The following CNTNAP2 variants were observed in gnomAD, a reference collection of about 807,000 sequenced individuals.
CNTNAP2 encodes the protein contactin-associated protein-like 2.
CNTNAP2 carries 98 observed loss-of-function variants against 155.2 expected under a neutral mutation model. The observed-to-expected ratio is 0.63, with a 90% CI of 0.54 to 0.75. The LOEUF (loss-of-function observed/expected upper bound fraction) is 0.75. Among genes scored for constraint, CNTNAP2 ranks in the 30% least tolerant of loss-of-function variants. The probability of loss-of-function intolerance (pLI) is 0.00; values close to 1 mark genes in which losing one functional copy is unlikely to be tolerated. For missense variants in CNTNAP2, 1,727 were observed against 1,688.1 expected (o/e 1.02, Z -0.40); for synonymous variants, 651 against 631.2 (o/e 1.03, Z -0.47).
chr7:146,839,736 C>G lies in CNTNAP2; in HGVS notation c.234C>G (p.Asp78Glu). The change falls in exon 3 of 24, where the codon GAC becomes GAG. Residue 78 changes from aspartate (D) to glutamate (E), a missense_variant. Physicochemically the swap from Asp to Glu is conservative, Grantham distance 45 (BLOSUM62 2). Coordinates refer to ENST00000361727, the MANE Select transcript of CNTNAP2 (RefSeq NM_014141.6). ...RGGAGGWSPSDSDHYQWLQVD... is the reference protein window; with the variant it reads ...RGGAGGWSPSESDHYQWLQVD... The stretch of plus-strand genomic sequence containing the variant: ...GTGCTGGGGGATGGTCTCCATCAGA[C>G]AGCGACCATTATCAATGGCTTCAGG... 6.2e-7 allele frequency: 1 copy of G among 1,614,214 alleles called. No individual in the cohort carries two copies. Among genetic ancestry groups the G allele is most frequent in the Middle Eastern group, 1.7e-4 (1 of 6,060 alleles).
At chr7:146,400,527 G>GA (rs1795699533) in intron 1 of CNTNAP2, among the ~76,000 whole-genome samples, 1 of 152,204 alleles carries the variant, frequency 6.6e-6, no homozygotes, top group Non-Finnish European at 1.5e-5. Context: ...GAAAGTTAGT[G>GA]AGAGAAGGAA....
At chr7:147,956,899 G>A (rs1801024006) in intron 14 of CNTNAP2, among the ~76,000 whole-genome samples, 1 of 152,182 alleles carries the variant, frequency 6.6e-6, no homozygotes, top group Admixed American at 6.5e-5. Context: ...ACTAAAGAAA[G>A]TGATAGGGTT....
chr7:146,850,190 C>T (rs1562972448), intron 3 of CNTNAP2, among the ~76,000 whole-genome samples: 1 of 152,158 alleles, frequency 6.6e-6, no homozygotes, highest in African/African-American at 2.4e-5. Context: ...TATGCCTTTT[C>T]AGAAGTCTAG....
At chr7:147,300,365 G>A (rs1437253171) in intron 9 of CNTNAP2, 75 bp downstream of exon 9, 6 of 1,545,592 alleles carry the variant, frequency 3.9e-6, no homozygotes, top group African/African-American at 1.4e-5. Flanking sequence ...TGATTATGAA[G>A]TATTTATATT....
chr7:148,008,309 T>A (rs1585074882), intron 15 of CNTNAP2, among the ~76,000 whole-genome samples: 1 of 151,534 alleles, frequency 6.6e-6, no homozygotes, highest in Non-Finnish European at 1.5e-5. Context: ...GAGGCAGAGG[T>A]TGCAGTGAGT....
chr7:147,023,447 C>T (rs1408660760), intron 3 of CNTNAP2, among the ~76,000 whole-genome samples: 1 of 152,072 alleles, frequency 6.6e-6, no homozygotes, highest in African/African-American at 2.4e-5. Flanking sequence ...CCTTTTTATC[C>T]AGTCTCCTCC....
At chr7:148,286,160 T>C (rs117997996) in intron 21 of CNTNAP2, among the ~76,000 whole-genome samples, 207 of 152,276 alleles carry the variant, frequency 1.4e-3, no homozygotes, top group Middle Eastern at 0.01. Flanking sequence ...TGTCTCAGGG[T>C]TGGCAGAGGC....
Position 148,365,974 on chromosome 7 carries a change from A to G in CNTNAP2, c.3476-17675A>G, listed in dbSNP as rs1258160822. Among the ~76,000 whole-genome samples, 6 of 2,530 alleles carry G rather than the reference A, an allele frequency of 2.4e-3. 3 individuals are homozygous for G. The highest frequency in any genetic ancestry group is 3.1e-3 in the African/African-American group (6 of 1,954). 1.7% of individuals were successfully genotyped at this position (2,530 alleles called of 152,430 possible). ...CGTGTATGCATGTATACATGTGTGT[A>G]TGCATGTATACATGTGTGTATGCAT... is the stretch of plus-strand genomic sequence containing the variant. On this transcript the variant is annotated intron_variant, in intron 21 of 23. Coordinates refer to ENST00000361727, the MANE Select transcript of CNTNAP2 (RefSeq NM_014141.6).
chr7:146,883,398 G>T (rs185425228), intron 3 of CNTNAP2, among the ~76,000 whole-genome samples: 1 of 151,854 alleles, frequency 6.6e-6, no homozygotes. Context: ...CAAAAAATAC[G>T]TTTTTTTCTA....
chr7:146,178,194 C>A (rs1020612517), intron 1 of CNTNAP2, among the ~76,000 whole-genome samples: 1 of 151,910 alleles, frequency 6.6e-6, no homozygotes, highest in Non-Finnish European at 1.5e-5. Flanking sequence ...CCACCATGCC[C>A]GGCTAATTTT....
At chr7:147,644,493 G>A (rs1018401187) in intron 13 of CNTNAP2, among the ~76,000 whole-genome samples, 1 of 152,110 alleles carries the variant, frequency 6.6e-6, no homozygotes, top group African/African-American at 2.4e-5. Context: ...GTGGTGGCAT[G>A]CACCTGTAAT....
At chr7:146,958,710 GC>G (rs1159987110) in intron 3 of CNTNAP2, among the ~76,000 whole-genome samples, 1 of 151,804 alleles carries the variant, frequency 6.6e-6, no homozygotes, top group East Asian at 1.9e-4. Context: ...ACCACGGCCG[GC>G]CCATTTTTAT....
At chr7:148,381,808 A>G (rs1187811123) in intron 21 of CNTNAP2, among the ~76,000 whole-genome samples, 3 of 152,182 alleles carry the variant, frequency 2.0e-5, no homozygotes, top group Non-Finnish European at 4.4e-5. Flanking sequence ...TTATTATCAC[A>G]TGGCCCTGAG....
At chr7:146,272,930 C>T (rs1584840742) in intron 1 of CNTNAP2, among the ~76,000 whole-genome samples, 2 of 151,702 alleles carry the variant, frequency 1.3e-5, no homozygotes, top group East Asian at 3.9e-4. Flanking sequence ...ATAGATGAGA[C>T]CAAAGGAGAA....
chr7:147,124,967 G>A (rs1017039971), intron 6 of CNTNAP2, among the ~76,000 whole-genome samples: 2 of 131,028 alleles, frequency 1.5e-5, no homozygotes, highest in African/African-American at 2.9e-5. Flanking sequence ...TGCAACCTCC[G>A]CCTCCCGGGT....
chr7:148,319,738 A>G (rs1797757188), intron 21 of CNTNAP2, among the ~76,000 whole-genome samples: 1 of 151,432 alleles, frequency 6.6e-6, no homozygotes, highest in Non-Finnish European at 1.5e-5. Context: ...ATGCTTGATG[A>G]TCTGTCAGTA....
At chr7:147,348,668 A>C (rs1795919191) in intron 9 of CNTNAP2, among the ~76,000 whole-genome samples, 1 of 151,000 alleles carries the variant, frequency 6.6e-6, no homozygotes, top group African/African-American at 2.4e-5. Context: ...AAAAGAAATC[A>C]TTATAGCAAA....
intron 4 of CNTNAP2, among the ~76,000 whole-genome samples, chr7:147,053,832 G>C (rs1799513547): frequency 6.6e-6 from 1 of 151,970 alleles, no homozygotes; most frequent in African/African-American, 2.4e-5. Context: ...TAATGAAAAA[G>C]AACTATGTTT....
At chr7:146,570,286 T>C (rs1201269099) in intron 1 of CNTNAP2, among the ~76,000 whole-genome samples, 2 of 152,102 alleles carry the variant, frequency 1.3e-5, no homozygotes, top group Non-Finnish European at 2.9e-5. Flanking sequence ...TAATGTAATA[T>C]ATAACTTTCT....
Sources: allele counts gnomAD v4.1 joint callset (sites outside exome capture counted in the v4.1 genomes callset), GRCh38; gene constraint gnomAD v4.1.1; transcripts MANE v1.5; gene names NCBI Gene and HGNC (gene_info 2026-07-23, HGNC 2026-07-21).